The following RPS24 variants were observed in gnomAD, a reference collection of about 807,000 sequenced individuals.
The protein encoded by RPS24 is small ribosomal subunit protein eS24.
For synonymous variants in RPS24, 72 were observed against 55.6 expected (o/e 1.30, Z -1.31); for missense variants, 100 against 162.5 (o/e 0.62, Z 2.09).
chr10:78,042,243 C>T (rs1430723968), downstream of RPS24, among the ~76,000 whole-genome samples: 1 of 152,208 alleles, frequency 6.6e-6, no homozygotes, highest in Non-Finnish European at 1.5e-5. Flanking sequence ...GCCTTTGCTC[C>T]TACGGCCAGC....
At chr10:78,048,684 G>C (rs1280204792) in intron 4 of RPS24, among the ~76,000 whole-genome samples, 1 of 151,920 alleles carries the variant, frequency 6.6e-6, no homozygotes, top group African/African-American at 2.4e-5. Context: ...AGACCAGCTT[G>C]GTCAATATGG....
chr10:78,033,968 C>G, intron 1 of RPS24, 64 bp downstream of exon 1: 1 of 1,600,380 alleles, frequency 6.2e-7, no homozygotes, highest in Non-Finnish European at 8.6e-7. Flanking sequence ...GTCCCTGGGT[C>G]CCAGTACTTG....
intron 1 of RPS24, chr10:78,034,299 G>A: frequency 3.1e-6 from 1 of 321,144 alleles, no homozygotes; most frequent in Non-Finnish European, 5.9e-6. Flanking sequence ...GGTGCGGGCA[G>A]CGCCTGGGCG....
downstream of RPS24, among the ~76,000 whole-genome samples, chr10:78,044,538 T>C (rs1848022118): frequency 6.6e-6 from 1 of 151,970 alleles, no homozygotes; most frequent in South Asian, 2.1e-4. Context: ...CCTGACTCAT[T>C]TGTGCTGGCA....
At chr10:78,049,540 G>A (rs1048595410) in intron 4 of RPS24, among the ~76,000 whole-genome samples, 2 of 152,220 alleles carry the variant, frequency 1.3e-5, no homozygotes, top group South Asian at 2.1e-4. Flanking sequence ...GTTTAACAGC[G>A]TCTTCGAGGG....
intron 4 of RPS24, chr10:78,037,514 C>G (rs745920764): frequency 1.5e-6 from 1 of 674,470 alleles, no homozygotes; most frequent in Non-Finnish European, 2.3e-6. Context: ...CACCCCTTGT[C>G]AGCTCACAGC....
downstream of RPS24, among the ~76,000 whole-genome samples, chr10:78,041,595 C>G (rs1297255783): frequency 1.5e-4 from 23 of 151,960 alleles, no homozygotes; most frequent in Admixed American, 1.5e-3. Context: ...GAAGGTAATG[C>G]TAGGGGCAGC....
exon 5 of RPS24, chr10:78,054,838 C>G: frequency 6.4e-7 from 1 of 1,551,568 alleles, no homozygotes; most frequent in Non-Finnish European, 8.7e-7. Flanking sequence ...GCTGGTTCTC[C>G]CCACCCTGTG....
rs1431953238 is a variant in RPS24, at chr10:78,035,496, G to C, written c.70-15G>C. ...TTTTATCATACTGAATGCTAAACTT[G>C]ATATCTCCTTTTAGGTCATTGATGT... On this transcript the variant is annotated splice_polypyrimidine_tract_variant and intron_variant, in intron 2 of 5. Transcript: ENST00000372360. 1.2e-6 allele frequency: 2 copies of C among 1,613,696 alleles called. No individual in the cohort carries two copies. Among genetic ancestry groups the C allele is most frequent in the Non-Finnish European group, 8.5e-7 (1 of 1,179,612 alleles).
In RPS24 at chr10:78,049,394, G is replaced by A. The variant is rs147199709; in HGVS notation, c.391-5137G>A. On this transcript the variant is annotated intron_variant, in intron 4 of 4. Transcript: ENST00000440692. ...GCTGGCTTTGTCATGGGTTTAGAGGGTATGTTAGGGAGGAGGCCTTCTGCT... is the reference window on the plus strand; with the variant it reads ...GCTGGCTTTGTCATGGGTTTAGAGGATATGTTAGGGAGGAGGCCTTCTGCT... Among the ~76,000 whole-genome samples, 566 of 152,266 alleles carry A rather than the reference G, an allele frequency of 3.7e-3. 6 individuals are homozygous for A. Among genetic ancestry groups the A allele is most frequent in the African/African-American group, 0.013 (550 of 41,536 alleles).
At chr10:78,041,802 A>T (rs1016252875), downstream of RPS24, among the ~76,000 whole-genome samples, 4 of 152,146 alleles carry the variant, frequency 2.6e-5, no homozygotes, top group African/African-American at 9.7e-5. Flanking sequence ...GAAGGAAGCA[A>T]TTGAGAACTG....
downstream of RPS24, among the ~76,000 whole-genome samples, chr10:78,043,491 A>G (rs1038100625): frequency 3.9e-5 from 6 of 152,216 alleles, no homozygotes; most frequent in African/African-American, 1.4e-4. Flanking sequence ...CACTGTGCAT[A>G]TAATGGTATA....
intron 4 of RPS24, among the ~76,000 whole-genome samples, chr10:78,046,858 C>T (rs528175423): frequency 1.3e-5 from 2 of 152,258 alleles, no homozygotes; most frequent in African/African-American, 4.8e-5. Flanking sequence ...GCTGAGGCAG[C>T]GATTCTCCAG....
chr10:78,054,029 C>T (rs918607344), intron 4 of RPS24, among the ~76,000 whole-genome samples: 5 of 152,176 alleles, frequency 3.3e-5, no homozygotes, highest in Non-Finnish European at 5.9e-5. Flanking sequence ...CTCCTAGTCA[C>T]GTGGTGTGGG....
intron 4 of RPS24, chr10:78,039,942 A>T (rs539424810): frequency 3.6e-6 from 2 of 550,782 alleles, no homozygotes; most frequent in Admixed American, 2.7e-5. Flanking sequence ...TGGCTTAATG[A>T]TCTCTTCATT....
chr10:78,035,798 A>AG, intron 3 of RPS24, 78 bp downstream of exon 3: 1 of 1,189,128 alleles, frequency 8.4e-7, no homozygotes, highest in East Asian at 2.3e-5. Context: ...TGTGGTAAAA[A>AG]GGGCAAGACC....
chr10:78,038,228 G>T lies in RPS24; in HGVS notation c.390+924G>T, dbSNP rs540252396. On this transcript the variant is annotated intron_variant, in intron 4 of 5. Coordinates refer to ENST00000372360, the MANE Select transcript of RPS24 (RefSeq NM_033022.4). ...AAACGTTTAAAATCATGTTTATTTT[G>T]TAAACTCCAAAATGCATGTTACATG... 1.4e-5 allele frequency: 3 copies of T among 209,334 alleles called. No homozygotes were observed. The Admixed American group carries it at 1.7e-4, about 12-fold the overall frequency. The allele number at this position is 209,334 out of a possible 1,614,324, so 13.0% of individuals were successfully genotyped here.
At chr10:78,037,416 T>G in intron 4 of RPS24, 112 bp downstream of exon 4, 1 of 1,452,054 alleles carries the variant, frequency 6.9e-7, no homozygotes, top group South Asian at 1.4e-5. Context: ...GTTTCTTCTT[T>G]TCCCTCTTCT....
At chr10:78,054,391 G>A in intron 4 of RPS24, 1 of 798,354 alleles carries the variant, frequency 1.3e-6, no homozygotes, top group East Asian at 2.7e-5. Flanking sequence ...CTTCCTTCAA[G>A]CTTTGGCTCT....
Sources: gnomAD v4.1 joint callset for allele counts (sites outside exome capture counted in the v4.1 genomes callset) on GRCh38, gnomAD v4.1.1 for gene constraint, MANE v1.5 for transcripts, NCBI Gene and HGNC (gene_info 2026-07-23, HGNC 2026-07-21) for gene names.